The following DIXDC1 variants were observed in gnomAD, a reference collection of about 807,000 sequenced individuals.
The protein encoded by DIXDC1 is dixin.
Under a neutral mutation model 103.1 loss-of-function variants are expected in DIXDC1, and 64 were observed. That is an observed-to-expected ratio of 0.62 (90% CI 0.51 to 0.76). The LOEUF (loss-of-function observed/expected upper bound fraction) is 0.76, where lower values mean the gene tolerates loss of function less well. Among genes scored for constraint, DIXDC1 ranks in the 30% least tolerant of loss-of-function variants. The pLI is 0.00. For missense variants in DIXDC1, 759 were observed against 834.2 expected (o/e 0.91, Z 1.11); for synonymous variants, 266 against 298.5 (o/e 0.89, Z 1.12).
intron 2 of DIXDC1, among the ~76,000 whole-genome samples, chr11:111,967,411 C>G (rs1859774327): frequency 2.0e-5 from 3 of 152,128 alleles, no homozygotes; most frequent in African/African-American, 7.2e-5. Flanking sequence ...TATATTATAT[C>G]GAATCCTTCA....
At chr11:111,946,714 G>A in intron 1 of DIXDC1, 1 of 391,702 alleles carries the variant, frequency 2.6e-6, no homozygotes, top group South Asian at 1.9e-5. Flanking sequence ...AACTTTAGGT[G>A]TCACAGCAGG....
chr11:111,954,255 C>G (rs782216319), intron 1 of DIXDC1, among the ~76,000 whole-genome samples: 1 of 152,114 alleles, frequency 6.6e-6, no homozygotes, highest in Non-Finnish European at 1.5e-5. Flanking sequence ...TCATTAGATT[C>G]TCATAAGGAG....
chr11:111,944,949 C>A (rs1966542880), intron 1 of DIXDC1, among the ~76,000 whole-genome samples: 1 of 152,186 alleles, frequency 6.6e-6, no homozygotes, highest in Admixed American at 6.5e-5. Flanking sequence ...CTGTTACACA[C>A]GTAGTATGTA....
At chr11:112,004,037 T>C (rs1175189510) in intron 17 of DIXDC1, among the ~76,000 whole-genome samples, 4 of 146,254 alleles carry the variant, frequency 2.7e-5, no homozygotes, top group Non-Finnish European at 6.0e-5. Context: ...TATATATATA[T>C]ATATATATAT....
At chr11:111,991,299 G>T (rs1555174515) in intron 10 of DIXDC1, among the ~76,000 whole-genome samples, 2 of 152,350 alleles carry the variant, frequency 1.3e-5, no homozygotes, top group South Asian at 4.1e-4. Flanking sequence ...TCATAAAGAG[G>T]TTGGCCTAAA....
chr11:111,942,726 T>C (rs1349956256), intron 1 of DIXDC1, among the ~76,000 whole-genome samples: 1 of 152,214 alleles, frequency 6.6e-6, no homozygotes, highest in Non-Finnish European at 1.5e-5. Context: ...CAGAAAATCT[T>C]TAGCTCTTTA....
Position 111,993,574 on chromosome 11 carries a change from G to A in DIXDC1, c.1351G>A (p.Val451Ile), listed in dbSNP as rs782060225. 3 of 1,614,020 alleles carry A rather than the reference G, an allele frequency of 1.9e-6. No homozygotes were observed. Among genetic ancestry groups the A allele is most frequent in the East Asian group, 4.5e-5 (2 of 44,888 alleles). ...LEEALRKLSD[V>I]SYHQVDLERE... is the part of the protein sequence containing the mutation. ...AGAAGCACTCCGGAAACTCTCTGAT[G>A]TCAGTTACCACCAGGTCAGAACATA... Residue 451 changes from valine to isoleucine, a missense_variant, in exon 13 of 20, where the codon GTC becomes ATC. This residue lies in a region of DIXDC1 where 657 missense variants were observed against 727.5 expected (regional missense o/e 0.90). Transcript: ENST00000440460.
Position 111,937,471 on chromosome 11 carries a change from CCCCGCCCGG to C in DIXDC1, c.-28_-20del. 4 of 1,564,560 alleles carry C rather than the reference CCCCGCCCGG, an allele frequency of 2.6e-6. No individual in the cohort carries two copies. The highest frequency in any genetic ancestry group is 3.5e-6 in the Non-Finnish European group (4 of 1,155,226). ...GCGGCGGCGGCCGCCGGGCTGGAGA[CCCCGCCCGG>C]GGAGCCCCCAGCAGGAACAATGCTA... On this transcript the variant is annotated 5_prime_UTR_variant, in exon 1 of 20. Transcript: ENST00000440460.
intron 5 of DIXDC1, among the ~76,000 whole-genome samples, chr11:111,979,821 A>G (rs1441492075): frequency 2.6e-5 from 4 of 152,054 alleles, no homozygotes. Context: ...GCTTGGCATC[A>G]TATGCACCTG....
intron 1 of DIXDC1, among the ~76,000 whole-genome samples, chr11:111,963,960 A>G (rs1053177802): frequency 1.3e-5 from 2 of 152,202 alleles, no homozygotes; most frequent in South Asian, 4.1e-4. Flanking sequence ...CTAACTCTGT[A>G]GCAATCCTAG....
chr11:111,953,528 C>T (rs1157858637), intron 1 of DIXDC1, among the ~76,000 whole-genome samples: 2 of 152,102 alleles, frequency 1.3e-5, no homozygotes, highest in Non-Finnish European at 2.9e-5. Context: ...ATCCCAGCTA[C>T]TCAGGAGGCT....
At chr11:112,007,425 G>C (rs1555176718) in intron 17 of DIXDC1, among the ~76,000 whole-genome samples, 1 of 152,128 alleles carries the variant, frequency 6.6e-6, no homozygotes, top group African/African-American at 2.4e-5. Context: ...TAGCAAGGCA[G>C]GCCAACATCC....
rs1480603387 is a variant in DIXDC1, at chr11:111,937,656, A to C, written c.60+97A>C. Reference sequence around the variant, plus strand: ...CCTCCTCCTCCTCCATCCTTTGGGGACCCCAGAGCAAATCGCCCCCAGAAC... The same window carrying C: ...CCTCCTCCTCCTCCATCCTTTGGGGCCCCCAGAGCAAATCGCCCCCAGAAC... On this transcript the variant is annotated intron_variant, in intron 1 of 19. Transcript: ENST00000440460. The C allele has an allele frequency of 2.3e-6, 3 of 1,293,750 alleles. No homozygotes were observed. In the East Asian group the frequency reaches 7.8e-5, roughly 34 times the overall value. 80.1% of individuals were successfully genotyped at this position (1,293,750 alleles called of 1,614,324 possible). A position where few individuals can be genotyped will look rare whatever the true frequency, so the allele number is the denominator to read the frequency against.
At chr11:111,994,466 CACATATAT>C (rs1476562339) in intron 14 of DIXDC1, among the ~76,000 whole-genome samples, 1 of 151,066 alleles carries the variant, frequency 6.6e-6, no homozygotes, top group Non-Finnish European at 1.5e-5. Flanking sequence ...CACACATATA[CACATATAT>C]ACATATATAT....
intron 6 of DIXDC1, 142 bp from the exon 7 acceptor site, chr11:111,982,197 C>T (rs1860327651): frequency 1.2e-6 from 1 of 851,638 alleles, no homozygotes. Context: ...CACAACCCCA[C>T]CTGGTGGAGA....
Position 111,961,683 on chromosome 11 carries a change from T to C in DIXDC1, c.61-2866T>C, listed in dbSNP as rs587596721. 2.0e-5 allele frequency among the ~76,000 whole-genome samples: 3 copies of C among 152,370 alleles called. No individual in the cohort carries two copies. In the East Asian group the frequency reaches 5.8e-4, roughly 29 times the overall value. Reference sequence around the variant, plus strand: ...CGGGCAAGAAAAAGCTAAGGTTACTTAAGTAGAAATTATCTTGACCTCAAG... The same window carrying C: ...CGGGCAAGAAAAAGCTAAGGTTACTCAAGTAGAAATTATCTTGACCTCAAG... On this transcript the variant is annotated intron_variant, in intron 1 of 19. Coordinates refer to ENST00000440460, the MANE Select transcript of DIXDC1 (RefSeq NM_001037954.4).
chr11:112,009,983 T>TAA (rs1254295405), intron 17 of DIXDC1, among the ~76,000 whole-genome samples: 1 of 152,118 alleles, frequency 6.6e-6, no homozygotes, highest in East Asian at 1.9e-4. Flanking sequence ...GAGAAAGAAA[T>TAA]AAAGGGTATT....
intron 3 of DIXDC1, among the ~76,000 whole-genome samples, chr11:111,971,724 G>GTATATC (rs58755877): frequency 0.38 from 56,328 of 147,658 alleles, 11,108 homozygotes; most frequent in East Asian, 0.54. Context: ...AATGTGGTGT[G>GTATATC]TATATCTATA....
intron 17 of DIXDC1, among the ~76,000 whole-genome samples, chr11:112,010,514 ACAAAACTGGAGG>A (rs1419947668): frequency 1.3e-5 from 2 of 152,252 alleles, no homozygotes; most frequent in Non-Finnish European, 2.9e-5. Context: ...AAGCAAAGGA[ACAAAACTGGAGG>A]CATCATGCTA....
Sources: gnomAD v4.1 joint callset for allele counts (sites outside exome capture counted in the v4.1 genomes callset) on GRCh38, gnomAD v4.1.1 for gene constraint, gnomAD v4.1.1 regional missense constraint, MANE v1.5 for transcripts, NCBI Gene and HGNC (gene_info 2026-07-23, HGNC 2026-07-21) for gene names.